PRPF6: variants seen among roughly 807,000 people sequenced by gnomAD.
PRPF6 encodes pre-mRNA processing factor 6.
PRPF6 carries 42 observed loss-of-function variants against 118.3 expected under a neutral mutation model. The observed-to-expected ratio is 0.35, with a 90% CI of 0.28 to 0.46. The LOEUF is 0.46. PRPF6 is among the 20% of genes least tolerant of loss of function. The probability of loss-of-function intolerance (pLI) is 1.00; values close to 1 mark genes in which losing one functional copy is unlikely to be tolerated. For synonymous variants in PRPF6, 481 were observed against 485.1 expected, an observed-to-expected ratio of 0.99 and a Z score of 0.11; for missense variants, 662 against 1,255.7, an observed-to-expected ratio of 0.53 and a Z score of 7.15.
intron 10 of PRPF6, 56 bp downstream of exon 10, chr20:64,010,374 A>G: frequency 7.3e-7 from 1 of 1,367,734 alleles, no homozygotes; most frequent in Non-Finnish European, 1.0e-6. Flanking sequence ...GCCTGAGCCC[A>G]GGTTCAGTGT....
chr20:64,031,771 G>T, intron 19 of PRPF6, 147 bp from the exon 20 acceptor site: 1 of 1,047,064 alleles, frequency 9.6e-7, no homozygotes, highest in Non-Finnish European at 1.5e-6. Flanking sequence ...TTCTGGATCA[G>T]CCGAGGCCCT....
intron 9 of PRPF6, 94 bp downstream of exon 9, chr20:64,001,333 G>A: frequency 6.9e-7 from 1 of 1,451,608 alleles, no homozygotes; most frequent in South Asian, 1.2e-5. Flanking sequence ...GGTGAGAGTG[G>A]ATAAGGAACC....
intron 8 of PRPF6, among the ~76,000 whole-genome samples, 196 bp downstream of exon 8, chr20:63,999,955 CT>C (rs35446612): frequency 3.5e-4 from 51 of 145,782 alleles, no homozygotes; most frequent in Non-Finnish European, 3.5e-4. Flanking sequence ...TAATCCACCA[CT>C]TTTTTTTTTT....
chr20:64,017,232 C>T (rs910901834), intron 12 of PRPF6, among the ~76,000 whole-genome samples: 4 of 151,396 alleles, frequency 2.6e-5, no homozygotes, highest in Admixed American at 1.3e-4. Context: ...CGTGAGCCAC[C>T]GCGCCCGGCC....
intron 3 of PRPF6, among the ~76,000 whole-genome samples, chr20:63,990,526 G>A (rs879519377): frequency 6.6e-5 from 10 of 151,298 alleles, no homozygotes; most frequent in Non-Finnish European, 1.5e-4. Context: ...GGTGGAGCGC[G>A]GTGGCTTGAT....
chr20:63,992,123 A>G (rs1013867823), intron 3 of PRPF6, among the ~76,000 whole-genome samples: 5 of 152,058 alleles, frequency 3.3e-5, no homozygotes, highest in African/African-American at 4.8e-5. Flanking sequence ...TTGTTTTGCG[A>G]CAAGGTCTCG....
chr20:63,988,354 G>A (rs1306948304), intron 3 of PRPF6, among the ~76,000 whole-genome samples: 2 of 150,408 alleles, frequency 1.3e-5, no homozygotes, highest in Non-Finnish European at 3.0e-5. Context: ...AAAATTAGCC[G>A]GGTGTGGGGG....
chr20:64,027,163 G>A lies in PRPF6; in HGVS notation c.2205+5G>A, dbSNP rs190449971. ...CGGGAAGCCTATAACCAGGGGGTAC[G>A]TCTCTGCCTGCACCCTGGGGCTGCA... is the stretch of plus-strand genomic sequence containing the variant. On this transcript the variant is annotated splice_donor_5th_base_variant and intron_variant, in intron 16 of 20. Transcript: ENST00000266079. The surrounding 1 kb of genome is among the most constrained non-coding windows in gnomAD (Gnocchi z 6.5). 36 of 1,612,714 alleles carry A rather than the reference G, an allele frequency of 2.2e-5. 1 individual carries two copies. Among genetic ancestry groups the A allele is most frequent in the East Asian group, 4.5e-5 (2 of 44,894 alleles).
intron 14 of PRPF6, among the ~76,000 whole-genome samples, chr20:64,024,942 A>G (rs2059281896): frequency 6.6e-6 from 1 of 152,162 alleles, no homozygotes; most frequent in South Asian, 2.1e-4. Context: ...GTTTCAGAAC[A>G]TGGAACACGG....
At chr20:64,023,596 G>C (rs1374882706) in intron 13 of PRPF6, among the ~76,000 whole-genome samples, 1 of 147,388 alleles carries the variant, frequency 6.8e-6, no homozygotes, top group African/African-American at 2.6e-5. Context: ...TTTAATCTCA[G>C]CCTCTTCAGG....
intron 12 of PRPF6, among the ~76,000 whole-genome samples, chr20:64,018,552 A>G (rs149304790): frequency 6.6e-6 from 1 of 152,218 alleles, no homozygotes; most frequent in East Asian, 1.9e-4. Flanking sequence ...TTGAGGATCC[A>G]TTAATGATGC....
At chr20:63,981,968 C>T (rs1008660296) in intron 1 of PRPF6, among the ~76,000 whole-genome samples, 1 of 151,736 alleles carries the variant, frequency 6.6e-6, no homozygotes, top group Non-Finnish European at 1.5e-5. Flanking sequence ...GCTGTAGAAA[C>T]GGTGACGATA....
At position 63,981,195 on chromosome 20, in the gene PRPF6, T is replaced by G. The variant is rs1466919698; in HGVS notation, c.-51T>G. Reference sequence around the variant, plus strand: ...AGCCTAGAGTCTCTGCGTCTTTCCCTCTTCCGCTGCCTCATTCCTTTCCTT... The same window carrying G: ...AGCCTAGAGTCTCTGCGTCTTTCCCGCTTCCGCTGCCTCATTCCTTTCCTT... On this transcript the variant is annotated 5_prime_UTR_variant, in exon 1 of 21. Coordinates refer to ENST00000266079, the MANE Select transcript of PRPF6 (RefSeq NM_012469.4). The G allele has an allele frequency of 6.4e-7, 1 of 1,552,834 alleles. No individual in the cohort carries two copies. The highest frequency in any genetic ancestry group is 2.4e-5 in the East Asian group (1 of 42,450).
intron 12 of PRPF6, among the ~76,000 whole-genome samples, chr20:64,022,049 C>A (rs2059269309): frequency 6.6e-6 from 1 of 151,398 alleles, no homozygotes; most frequent in African/African-American, 2.4e-5. Flanking sequence ...AGCCACAGCC[C>A]TGTGTGTGCA....
Position 63,999,670 on chromosome 20 carries a change from T to A in PRPF6, c.934T>A (p.Trp312Arg), listed in dbSNP as rs772967587. Residue 312 changes from tryptophan to arginine, a missense_variant, in exon 8 of 21, where the codon TGG (tryptophan) becomes AGG (arginine). Physicochemically the swap from Trp to Arg is moderately radical, Grantham distance 101. Coordinates refer to ENST00000266079, the MANE Select transcript of PRPF6 (RefSeq NM_012469.4). The stretch of plus-strand genomic sequence containing the variant: ...GACGAACCCTCATCACCCGCCAGCC[T>A]GGATTGCATCAGCCCGCCTGGAAGA... ...RETNPHHPPA[W>R]IASARLEEVT... The A allele has an allele frequency of 6.2e-7, 1 of 1,614,046 alleles. No homozygotes were observed. The highest frequency in any genetic ancestry group is 1.3e-5 in the African/African-American group (1 of 74,924).
intron 9 of PRPF6, among the ~76,000 whole-genome samples, 162 bp downstream of exon 9, chr20:64,001,401 G>C (rs774519414): frequency 3.9e-5 from 6 of 152,220 alleles, no homozygotes; most frequent in African/African-American, 1.2e-4. Context: ...GGACCCCCAT[G>C]GGGGAGGGAT....
At chr20:63,994,895 T>C in intron 4 of PRPF6, 21 bp from the exon 5 acceptor site, 2 of 1,614,082 alleles carry the variant, frequency 1.2e-6, no homozygotes, top group East Asian at 2.2e-5. Context: ...ATTAATGTTT[T>C]TGGGGGCTGG....
intron 12 of PRPF6, among the ~76,000 whole-genome samples, chr20:64,018,178 A>G (rs1175662604): frequency 6.6e-6 from 1 of 152,230 alleles, no homozygotes; most frequent in Non-Finnish European, 1.5e-5. Context: ...CCTGAGTGAC[A>G]GCAAGACCCT....
At chr20:63,986,259 C>T (rs573504629) in intron 3 of PRPF6, among the ~76,000 whole-genome samples, 27 of 148,824 alleles carry the variant, frequency 1.8e-4, no homozygotes, top group East Asian at 1.6e-3. Flanking sequence ...GCAAGAGAAT[C>T]GCTTGAACTC....
Sources: allele counts gnomAD v4.1 joint callset (sites outside exome capture counted in the v4.1 genomes callset), GRCh38; gene constraint gnomAD v4.1.1; non-coding constraint Gnocchi (gnomAD v3.1); transcripts MANE v1.5; gene names NCBI Gene and HGNC (gene_info 2026-07-23, HGNC 2026-07-21).